ARHGEF11: variants seen among roughly 807,000 people sequenced by gnomAD.
ARHGEF11 encodes Rho guanine exchange factor (GEF) 11.
In ARHGEF11, 55 loss-of-function variants were observed where a neutral mutation model predicts 193.7. The ratio of observed to expected loss-of-function variants is 0.28; its 90% confidence interval spans 0.23 to 0.36. The LOEUF (loss-of-function observed/expected upper bound fraction) is 0.36. Among genes scored for constraint, ARHGEF11 ranks in the 10% least tolerant of loss-of-function variants. The pLI is 1.00. For missense variants in ARHGEF11, 1,723 were observed against 2,005.6 expected (o/e 0.86, Z 2.69); for synonymous variants, 693 against 768.0 (o/e 0.90, Z 1.62).
intron 1 of ARHGEF11, among the ~76,000 whole-genome samples, chr1:157,041,100 G>A (rs1236357823): frequency 6.6e-6 from 1 of 152,188 alleles, no homozygotes; most frequent in Non-Finnish European, 1.5e-5. Flanking sequence ...GAGGAAAGAT[G>A]TTTCATGGAT....
At chr1:156,991,571 C>T (rs1036364481) in intron 1 of ARHGEF11, among the ~76,000 whole-genome samples, 4 of 152,120 alleles carry the variant, frequency 2.6e-5, no homozygotes, top group Non-Finnish European at 4.4e-5. Context: ...CCACCTGCCT[C>T]GGCCTCCCAA....
intron 1 of ARHGEF11, among the ~76,000 whole-genome samples, chr1:157,035,572 A>G (rs1339125694): frequency 1.3e-5 from 2 of 151,482 alleles, no homozygotes; most frequent in Non-Finnish European, 2.9e-5. Context: ...CGTGCGGCTA[A>G]TTTTGTATTT....
At chr1:156,944,310 G>C (rs150447204) in intron 31 of ARHGEF11, 48 bp downstream of exon 31, 1 of 1,584,502 alleles carries the variant, frequency 6.3e-7, no homozygotes, top group South Asian at 1.1e-5. Flanking sequence ...GCCCAGGGAG[G>C]CCCACCCACT....
chr1:156,985,708 G>A (rs1664807012), intron 2 of ARHGEF11: 1 of 151,784 alleles, frequency 6.6e-6, no homozygotes, highest in Non-Finnish European at 1.4e-5. Context: ...ACAGGCATAA[G>A]CCACCACGCC....
chr1:156,995,010 C>T (rs1666278489), intron 1 of ARHGEF11, among the ~76,000 whole-genome samples: 1 of 152,034 alleles, frequency 6.6e-6, no homozygotes, highest in South Asian at 2.1e-4. Context: ...CTGAGATTAT[C>T]TTTGACATCT....
rs768597800 is a variant in ARHGEF11 at position 156,961,678 on chromosome 1, G to A, written c.1238C>T (p.Ala413Val). ...TAATCCAATCTATGACTGCCTTACC[G>A]CATTTTTCTCCAGGAAAATATTCCA... ...DIWNIFLEKN[A>V]PLRVKIPEML... is the part of the protein sequence containing the mutation. The change falls in exon 14 of 41, where the codon GCG becomes GTG. Residue 413 changes from alanine (A) to valine (V), a missense_variant and splice_region_variant. This residue lies in a region of ARHGEF11 where 646 missense variants were observed against 710.7 expected (regional missense o/e 0.91). Transcript: ENST00000368194. The A allele has an allele frequency of 1.9e-6, 3 of 1,613,126 alleles. No individual in the cohort carries two copies. The highest frequency in any genetic ancestry group is 1.7e-6 in the Non-Finnish European group (2 of 1,179,156).
intron 40 of ARHGEF11, chr1:156,936,373 T>A (rs937914918): frequency 7.0e-5 from 30 of 426,634 alleles, no homozygotes; most frequent in East Asian, 6.1e-5. Flanking sequence ...GGTGTGCACC[T>A]GCAATCCCAG....
At position 156,936,825 on chromosome 1, in the gene ARHGEF11, G is replaced by C. The variant is rs746651179; in HGVS notation, c.4621C>G (p.Pro1541Ala). ...ACCTGGCTTCACTCACCATCCTCAG[G>C]GCAGGGCCCCAGTTCATGGCTGTTC... ...SRNSHELGPCPEDGSDAPLED... is the reference protein window; with the variant it reads ...SRNSHELGPCAEDGSDAPLED... Residue 1541 changes from proline (P) to alanine (A), a missense_variant, in exon 40 of 41, where the codon CCT becomes GCT. Transcript: ENST00000368194. 6.2e-7 allele frequency: 1 copy of C among 1,613,758 alleles called. No homozygotes were observed.
chr1:156,947,918 G>T lies in ARHGEF11; in HGVS notation c.2192C>A (p.Thr731Asn). 6.2e-7 allele frequency: 1 copy of T among 1,614,072 alleles called. No homozygotes were observed. Among genetic ancestry groups the T allele is most frequent in the East Asian group, 2.2e-5 (1 of 44,874 alleles). ...ATCCTCTAGGAGGTGGGGAAGGAGG[G>T]TATCTGTGCAGAACCCCAAACTGGG... ...ESPSLGFCTDTLLPHLLEDDL... is the reference protein window; with the variant it reads ...ESPSLGFCTDNLLPHLLEDDL... Residue 731 changes from threonine (T) to asparagine (N), a missense_variant, in exon 25 of 41, where the codon ACC becomes AAC. By Grantham distance (65) the Thr-to-Asn change is moderately conservative. Coordinates refer to ENST00000368194, the MANE Select transcript of ARHGEF11 (RefSeq NM_198236.3).
intron 19 of ARHGEF11, 122 bp downstream of exon 19, chr1:156,956,298 T>C (rs574279405): frequency 4.9e-6 from 5 of 1,019,234 alleles, no homozygotes; most frequent in Middle Eastern, 2.2e-4. Context: ...TGTATTTTAA[T>C]AGAGATGGGG....
intron 1 of ARHGEF11, among the ~76,000 whole-genome samples, chr1:156,995,581 G>A (rs1314978133): frequency 6.7e-6 from 1 of 150,274 alleles, no homozygotes; most frequent in Non-Finnish European, 1.5e-5. Flanking sequence ...TTTGAGACAG[G>A]GTCTCACTCT....
rs369985983 is a variant in ARHGEF11, at chr1:156,940,432, C to T, written c.3515-7G>A. The T allele has an allele frequency of 8.4e-5, 134 of 1,593,754 alleles. 3 individuals are homozygous for T. In the South Asian group the frequency reaches 1.1e-3, roughly 13 times the overall value. ...CTCTGCTGGGACCCAGTGCCTGTTT[C>T]GGATGAGAGAAGATTGTAAGGCAGG... On this transcript the variant is annotated splice_polypyrimidine_tract_variant and splice_region_variant and intron_variant, in intron 35 of 40. Coordinates refer to ENST00000368194, the MANE Select transcript of ARHGEF11 (RefSeq NM_198236.3).
Position 156,963,267 on chromosome 1 carries a change from G to GA in ARHGEF11, c.1075dup (p.Ser359PhefsTer63). 6.2e-7 allele frequency: 1 copy of GA among 1,614,198 alleles called. No individual in the cohort carries two copies. The highest frequency in any genetic ancestry group is 8.5e-7 in the Non-Finnish European group (1 of 1,180,032). On this transcript the variant is annotated frameshift_variant, in exon 13 of 41. Coordinates refer to ENST00000368194, the MANE Select transcript of ARHGEF11 (RefSeq NM_198236.3). LOFTEE classifies it high-confidence loss of function. The stretch of plus-strand genomic sequence containing the variant: ...AAAAACCCCCAGGTGAGCTGGCCGA[G>GA]ACTTCAGTTTCTCCAGATCCTGGAA...
intron 1 of ARHGEF11, among the ~76,000 whole-genome samples, chr1:156,992,852 C>T (rs543389322): frequency 1.3e-5 from 2 of 152,228 alleles, no homozygotes; most frequent in African/African-American, 2.4e-5. Flanking sequence ...ACAAAGTATA[C>T]GAGTTCGAAC....
intron 1 of ARHGEF11, among the ~76,000 whole-genome samples, chr1:157,004,208 T>C (rs942331829): frequency 6.6e-6 from 1 of 152,228 alleles, no homozygotes; most frequent in Non-Finnish European, 1.5e-5. Context: ...CAAAAATGTC[T>C]AGCATTTCAG....
intron 1 of ARHGEF11, among the ~76,000 whole-genome samples, chr1:156,996,821 C>T (rs1344612350): frequency 6.8e-6 from 1 of 146,508 alleles, no homozygotes; most frequent in East Asian, 2.0e-4. Flanking sequence ...CTGATTCTGC[C>T]ACTTACTAGC....
intron 1 of ARHGEF11, among the ~76,000 whole-genome samples, chr1:157,044,093 C>T (rs1434808112): frequency 6.6e-6 from 1 of 152,174 alleles, no homozygotes; most frequent in Non-Finnish European, 1.5e-5. Flanking sequence ...CTGTTTATTG[C>T]TTATATTCAA....
chr1:156,939,721 G>C lies in ARHGEF11; in HGVS notation c.3923C>G (p.Ala1308Gly). 6.2e-7 allele frequency: 1 copy of C among 1,614,052 alleles called. No homozygotes were observed. Among genetic ancestry groups the C allele is most frequent in the Non-Finnish European group, 8.5e-7 (1 of 1,180,014 alleles). Residue 1308 changes from alanine (A) to glycine (G), a missense_variant, in exon 37 of 41, where the codon GCA becomes GGA. Ala to Gly is a moderately conservative substitution (Grantham distance 60, BLOSUM62 0). Transcript: ENST00000368194. ...PGGEGDNTQL[A>G]GLEGERPEQE... ...CTCTGGCCGTTCCCCCTCCAGCCCT[G>C]CAAGCTGGGTGTTGTCCCCTTCACC...
At chr1:157,030,719 G>A (rs1327342424) in intron 1 of ARHGEF11, among the ~76,000 whole-genome samples, 1 of 152,148 alleles carries the variant, frequency 6.6e-6, no homozygotes, top group East Asian at 1.9e-4. Context: ...TTACTTCTTA[G>A]TTTCTGGACC....
Sources: allele counts gnomAD v4.1 joint callset (sites outside exome capture counted in the v4.1 genomes callset), GRCh38; gene constraint gnomAD v4.1.1; regional missense constraint gnomAD v4.1.1; transcripts MANE v1.5; gene names NCBI Gene and HGNC (gene_info 2026-07-23, HGNC 2026-07-21).